The following ANKRD36 variants were observed in gnomAD, a reference collection of about 807,000 sequenced individuals.
ANKRD36 encodes ankyrin repeat domain-containing protein 36A.
ANKRD36 carries 179 observed loss-of-function variants against 278.1 expected under a neutral mutation model. The observed-to-expected ratio is 0.64, with a 90% confidence interval of 0.57 to 0.73. The LOEUF (loss-of-function observed/expected upper bound fraction) is 0.73, where lower values mean the gene tolerates loss of function less well. Among genes scored for constraint, ANKRD36 ranks in the 30% least tolerant of loss-of-function variants. The probability of loss-of-function intolerance (pLI) is 0.00; values close to 1 mark genes in which losing one functional copy is unlikely to be tolerated. For missense variants in ANKRD36, 1,159 were observed against 1,956.7 expected (o/e 0.59, Z 7.69); for synonymous variants, 320 against 641.1 (o/e 0.50, Z 7.57).
At chr2:97,121,494 G>A (rs1315282194) in intron 3 of ANKRD36, among the ~76,000 whole-genome samples, 1 of 152,042 alleles carries the variant, frequency 6.6e-6, no homozygotes, top group African/African-American at 2.4e-5. Context: ...CAAAAAATTA[G>A]CTGGGTGTGG....
Position 97,179,843 on chromosome 2 carries a change from G to T in ANKRD36, c.1663-18G>T. ...ACCTACTTTACATATTGATTATTTTGCTTCAAATCCCATTCAGGCTACAAG... is the reference window on the plus strand; with the variant it reads ...ACCTACTTTACATATTGATTATTTTTCTTCAAATCCCATTCAGGCTACAAG... On this transcript the variant is annotated intron_variant, in intron 23 of 75. Coordinates refer to ENST00000420699, the MANE Select transcript of ANKRD36 (RefSeq NM_001354587.1). The T allele has an allele frequency of 6.2e-7, 1 of 1,603,072 alleles. No individual in the cohort carries two copies. Among genetic ancestry groups the T allele is most frequent in the Non-Finnish European group, 8.5e-7 (1 of 1,178,284 alleles).
chr2:97,213,331 A>G (rs2065156903), intron 58 of ANKRD36, 88 bp from the exon 59 acceptor site: 1 of 385,292 alleles, frequency 2.6e-6, no homozygotes. Context: ...AGGCAGGAAG[A>G]TACATCTTGA....
intron 22 of ANKRD36, among the ~76,000 whole-genome samples, chr2:97,178,309 C>G (rs1266960621): frequency 6.6e-6 from 1 of 151,890 alleles, no homozygotes; most frequent in African/African-American, 2.4e-5. Flanking sequence ...ACCATTTGAC[C>G]CAGCCATCCC....
chr2:97,199,045 A>G (rs1297344802), intron 44 of ANKRD36, among the ~76,000 whole-genome samples: 1 of 151,920 alleles, frequency 6.6e-6, no homozygotes. Flanking sequence ...GCTTGTTGTA[A>G]CAACCCGTAG....
rs1372302405 is a variant in ANKRD36 at position 97,201,696 on chromosome 2, C to T, written c.2858-506C>T. ...AGGTGATCAATGTAGGACACTTCCA[C>T]GGAAGAGATGTGAAGTATAAGTTCA... On this transcript the variant is annotated intron_variant, in intron 46 of 75. Coordinates refer to ENST00000420699, the MANE Select transcript of ANKRD36 (RefSeq NM_001354587.1). 1.6e-4 allele frequency among the ~76,000 whole-genome samples: 24 copies of T among 152,036 alleles called. No individual in the cohort carries two copies. The East Asian group carries it at 2.9e-3, about 19-fold the overall frequency.
intron 30 of ANKRD36, 84 bp downstream of exon 30, chr2:97,185,594 C>T (rs563077223): frequency 0.011 from 15,700 of 1,482,006 alleles, 149 homozygotes; most frequent in Non-Finnish European, 0.012. Flanking sequence ...GCGGGGGGCT[C>T]GTCAAAGCTG....
intron 3 of ANKRD36, among the ~76,000 whole-genome samples, chr2:97,121,103 T>C (rs11899632): frequency 1.1e-3 from 164 of 152,210 alleles, no homozygotes; most frequent in African/African-American, 3.6e-3. Context: ...TCAAGGTTTT[T>C]AAGACATTTT....
At position 97,204,234 on chromosome 2, in the gene ANKRD36, G is replaced by GA; in HGVS notation, c.3038dup (p.Asp1014GlyfsTer6). ...GATTCTGTTTTGAATATAGCCAGAG[G>GA]AAAAAAGGATGGAGAAAAAACTAGG... On this transcript the variant is annotated frameshift_variant, in exon 50 of 76. Transcript: ENST00000420699. LOFTEE classifies it high-confidence loss of function. 1 of 1,579,602 alleles carries GA rather than the reference G, an allele frequency of 6.3e-7. No homozygotes were observed. The highest frequency in any genetic ancestry group is 8.6e-7 in the Non-Finnish European group (1 of 1,165,074).
chr2:97,209,099 G>T (rs1472387128), intron 54 of ANKRD36, among the ~76,000 whole-genome samples: 8 of 146,412 alleles, frequency 5.5e-5, no homozygotes, highest in Non-Finnish European at 1.0e-4. Flanking sequence ...ACACTACATG[G>T]GTGTGAAAGA....
At chr2:97,149,434 T>G (rs1463639031) in intron 12 of ANKRD36, 73 bp downstream of exon 12, 4 of 1,282,824 alleles carry the variant, frequency 3.1e-6, no homozygotes, top group African/African-American at 3.0e-5. Context: ...TTCTAAAACT[T>G]AGCAGTTGTC....
At position 97,157,383 on chromosome 2, in the gene ANKRD36, T is replaced by C. The variant is rs181518253; in HGVS notation, c.1261-724T>C. 2.1e-3 allele frequency among the ~76,000 whole-genome samples: 320 copies of C among 151,078 alleles called. 1 individual carries two copies. The highest frequency in any genetic ancestry group is 7.5e-3 in the African/African-American group (308 of 41,152). On this transcript the variant is annotated intron_variant, in intron 15 of 75. Coordinates refer to ENST00000420699, the MANE Select transcript of ANKRD36 (RefSeq NM_001354587.1). The stretch of plus-strand genomic sequence containing the variant: ...TCTTTTTTTGTTTGTTGCTCCCTCC[T>C]TCCCCTTTGTTTAAAAATAACTTAC...
At chr2:97,184,890 T>C (rs1289349812) in intron 28 of ANKRD36, among the ~76,000 whole-genome samples, 2 of 151,742 alleles carry the variant, frequency 1.3e-5, no homozygotes, top group Non-Finnish European at 2.9e-5. Context: ...ATCAGGCAAG[T>C]TAGAGCATGA....
At chr2:97,197,095 G>C (rs1275178299) in intron 42 of ANKRD36, among the ~76,000 whole-genome samples, 7 of 151,912 alleles carry the variant, frequency 4.6e-5, no homozygotes, top group Non-Finnish European at 2.9e-5. Flanking sequence ...TTTCAGTAAG[G>C]GTGGAAGGAG....
rs1280719912 is a variant in ANKRD36 at position 97,222,047 on chromosome 2, A to G, written c.3878-2759A>G. ...TTATTAAATAGGGAATCCTTTCCCC[A>G]TTGCTTGTTTTTCTCAGGTTTGTCA... On this transcript the variant is annotated intron_variant, in intron 66 of 75. Coordinates refer to ENST00000420699, the MANE Select transcript of ANKRD36 (RefSeq NM_001354587.1). Among the ~76,000 whole-genome samples, 7 of 151,516 alleles carry G rather than the reference A, an allele frequency of 4.6e-5. No individual in the cohort carries two copies. In the East Asian group the frequency reaches 6.0e-4, roughly 13 times the overall value.
rs1406282234 is a variant in ANKRD36 at position 97,180,280 on chromosome 2, G to A, written c.1735+347G>A. 2.0e-5 allele frequency among the ~76,000 whole-genome samples: 3 copies of A among 151,536 alleles called. 1 individual carries two copies. The South Asian group carries it at 6.3e-4, about 32-fold the overall frequency. ...CGAGATGAAGTAATAGATATTATAG[G>A]CATCGTATCATATTGTTATCAACAG... On this transcript the variant is annotated intron_variant, in intron 24 of 75. Coordinates refer to ENST00000420699, the MANE Select transcript of ANKRD36 (RefSeq NM_001354587.1).
At chr2:97,212,054 A>G (rs2064804890) in intron 58 of ANKRD36, among the ~76,000 whole-genome samples, 1 of 151,862 alleles carries the variant, frequency 6.6e-6, no homozygotes, top group African/African-American at 2.4e-5. Flanking sequence ...CAAGAGGGAA[A>G]AGAGAAAGAG....
intron 66 of ANKRD36, among the ~76,000 whole-genome samples, chr2:97,222,289 A>G (rs1377986908): frequency 1.3e-5 from 2 of 151,984 alleles, no homozygotes; most frequent in African/African-American, 4.8e-5. Context: ...TATGAACTTT[A>G]AAGTAGTTTT....
Position 97,203,244 on chromosome 2 carries a change from G to C in ANKRD36, c.2960-824G>C, listed in dbSNP as rs1170298887. Among the ~76,000 whole-genome samples, 3 of 151,774 alleles carry C rather than the reference G, an allele frequency of 2.0e-5. No homozygotes were observed. The East Asian group carries it at 5.9e-4, about 30-fold the overall frequency. The stretch of plus-strand genomic sequence containing the variant: ...TATTTTAGAAACAAAAATTATGCTG[G>C]ATTCTAATTAACTCCTAAAATGCTC... On this transcript the variant is annotated intron_variant, in intron 48 of 75. Coordinates refer to ENST00000420699, the MANE Select transcript of ANKRD36 (RefSeq NM_001354587.1).
intron 20 of ANKRD36, among the ~76,000 whole-genome samples, chr2:97,166,255 G>T (rs990090167): frequency 6.6e-6 from 1 of 151,596 alleles, no homozygotes; most frequent in Non-Finnish European, 1.5e-5. Context: ...AAGCCGTAAA[G>T]ATAAAATGAG....
Sources: allele counts gnomAD v4.1 joint callset (sites outside exome capture counted in the v4.1 genomes callset), GRCh38; gene constraint gnomAD v4.1.1; transcripts MANE v1.5; gene names NCBI Gene and HGNC (gene_info 2026-07-23, HGNC 2026-07-21).